ZXDC: variants seen among roughly 807,000 people sequenced by gnomAD.
The protein encoded by ZXDC is zinc finger protein ZXDC.
Under a neutral mutation model 63.6 loss-of-function variants are expected in ZXDC, and 58 were observed. That is an observed-to-expected ratio of 0.91 (90% CI 0.74 to 1.13). ZXDC has a LOEUF of 1.13. Ranked by LOEUF, ZXDC falls within the 50% of genes most tolerant of loss-of-function variation. ZXDC has a pLI of 0.00. For missense variants in ZXDC, 1,133 were observed against 1,148.9 expected (o/e 0.99, Z 0.20); for synonymous variants, 561 against 496.1 (o/e 1.13, Z -1.74).
Position 126,467,706 on chromosome 3 carries a change from G to T in ZXDC, c.1271-1381C>A, listed in dbSNP as rs577984619. On this transcript the variant is annotated intron_variant, in intron 4 of 9. Coordinates refer to ENST00000389709, the MANE Select transcript of ZXDC (RefSeq NM_025112.5). Reference sequence around the variant, plus strand: ...CAAAGGAGACAGTCCGACGGCCCAGGACTGCCCTGCAAGCGCGCAGTTTCC... The same window carrying T: ...CAAAGGAGACAGTCCGACGGCCCAGTACTGCCCTGCAAGCGCGCAGTTTCC... Among the ~76,000 whole-genome samples, 4 of 152,314 alleles carry T rather than the reference G, an allele frequency of 2.6e-5. No homozygotes were observed. The South Asian group carries it at 6.2e-4, about 24-fold the overall frequency.
Position 126,453,883 on chromosome 3 carries a change from T to A in ZXDC, c.2212+5770A>T, listed in dbSNP as rs921654895. 1.0e-5 allele frequency: 10 copies of A among 985,050 alleles called. No individual in the cohort carries two copies. In the African/African-American group the frequency reaches 1.6e-4, roughly 16 times the overall value. The allele number at this position is 985,050 out of a possible 1,614,324, so 61.0% of individuals were successfully genotyped here. A position where few individuals can be genotyped will look rare whatever the true frequency, so the allele number is the denominator to read the frequency against. Reference sequence around the variant, plus strand: ...CCCAGCCTCGCTTTTATTTCTTCTTTCACCTGATTGTCTAGAGGTTTTGTT... The same window carrying A: ...CCCAGCCTCGCTTTTATTTCTTCTTACACCTGATTGTCTAGAGGTTTTGTT... On this transcript the variant is annotated intron_variant, in intron 7 of 9. Transcript: ENST00000389709.
intron 7 of ZXDC, among the ~76,000 whole-genome samples, chr3:126,445,835 C>T (rs958094316): frequency 6.6e-6 from 1 of 152,104 alleles, no homozygotes; most frequent in Non-Finnish European, 1.5e-5. Flanking sequence ...CCTGACGGTA[C>T]ACCCTGAAGT....
At chr3:126,457,243 T>C (rs1486545061) in intron 7 of ZXDC, 3 of 981,540 alleles carry the variant, frequency 3.1e-6, no homozygotes, top group African/African-American at 1.7e-5. Flanking sequence ...AGCATGAGTA[T>C]GCAGGATGCT....
intron 7 of ZXDC, among the ~76,000 whole-genome samples, chr3:126,448,842 A>C (rs907518271): frequency 6.6e-6 from 1 of 152,228 alleles, no homozygotes; most frequent in African/African-American, 2.4e-5. Flanking sequence ...TCTCCCCCTA[A>C]TGTTCCCACT....
At chr3:126,473,671 G>A (rs942020467) in intron 1 of ZXDC, among the ~76,000 whole-genome samples, 1 of 152,338 alleles carries the variant, frequency 6.6e-6, no homozygotes, top group Non-Finnish European at 1.5e-5. Context: ...GCGCAAGACA[G>A]TCCACAGGCA....
chr3:126,453,196 T>C (rs1934176508), intron 7 of ZXDC: 1 of 985,460 alleles, frequency 1.0e-6, no homozygotes, highest in Non-Finnish European at 1.2e-6. Context: ...GTTGCAAGTA[T>C]TCTAACTTAT....
chr3:126,454,454 T>C, intron 7 of ZXDC: 1 of 985,460 alleles, frequency 1.0e-6, no homozygotes, highest in Non-Finnish European at 1.2e-6. Context: ...CTTTTCATAT[T>C]AACATTAGCC....
At chr3:126,448,717 C>T (rs1443296067) in intron 7 of ZXDC, among the ~76,000 whole-genome samples, 2 of 152,232 alleles carry the variant, frequency 1.3e-5, no homozygotes, top group Admixed American at 1.3e-4. Flanking sequence ...AGAACTACAG[C>T]AGGGGCCACC....
chr3:126,451,259 GCTT>G, intron 7 of ZXDC: 1 of 985,308 alleles, frequency 1.0e-6, no homozygotes, highest in Non-Finnish European at 1.2e-6. Context: ...GTGTACTACT[GCTT>G]GTTTCCAGGT....
chr3:126,469,884 G>A (rs1211265192), intron 4 of ZXDC, among the ~76,000 whole-genome samples: 1 of 152,228 alleles, frequency 6.6e-6, no homozygotes, highest in Non-Finnish European at 1.5e-5. Flanking sequence ...TGTTCATTAT[G>A]TTCTAAGAGC....
chr3:126,462,075 C>T lies in ZXDC; in HGVS notation c.1587G>A (p.Ser529=), dbSNP rs771423698. 16 of 1,613,972 alleles carry T rather than the reference C, an allele frequency of 9.9e-6. No individual in the cohort carries two copies. Among genetic ancestry groups the T allele is most frequent in the South Asian group, 8.8e-5 (8 of 91,086 alleles). The change falls in exon 6 of 10, where the codon TCG becomes TCA. Residue 529 remains serine, a synonymous_variant. Transcript: ENST00000389709. ...PANASGSAGG[S]DEALNSGILT... The stretch of plus-strand genomic sequence containing the variant: ...GGATTCCGGAGTTCAGAGCCTCATC[C>T]GACCCACCTGCAGAACCACTAGCAT...
intron 7 of ZXDC, chr3:126,459,307 G>A (rs1214185809): frequency 6.1e-6 from 6 of 985,326 alleles, no homozygotes; most frequent in Non-Finnish European, 7.2e-6. Flanking sequence ...GCCAAGATCA[G>A]GCCCCAAGGC....
At position 126,475,551 on chromosome 3, in the gene ZXDC, C is replaced by T. The variant is rs1390541959; in HGVS notation, c.315G>A (p.Ala105=). The T allele has an allele frequency of 2.9e-6, 4 of 1,384,372 alleles. No individual in the cohort carries two copies. Among genetic ancestry groups the T allele is most frequent in the Non-Finnish European group, 3.7e-6 (4 of 1,067,170 alleles). The allele number at this position is 1,384,372 out of a possible 1,614,324, so 85.8% of individuals were successfully genotyped here. A position where few individuals can be genotyped will look rare whatever the true frequency, so the allele number is the denominator to read the frequency against. The part of the protein sequence containing the change: ...EAEPGSRVNL[A]SRPEQGPSGP... ...CGCTGGGGCCCTGCTCGGGGCGGCT[C>T]GCCAGGTTGACACGGGAGCCAGGCT... is the stretch of plus-strand genomic sequence containing the variant. Residue 105 remains alanine (A), a synonymous_variant, in exon 1 of 10, where the codon GCG becomes GCA. Transcript: ENST00000389709.
At chr3:126,439,761 T>C (rs1174445377) in intron 8 of ZXDC, 34 bp from the exon 9 acceptor site, 2 of 1,541,674 alleles carry the variant, frequency 1.3e-6, no homozygotes, top group Non-Finnish European at 1.7e-6. Context: ...CTGTCACATG[T>C]CTGTGAGAGT....
intron 7 of ZXDC, chr3:126,457,261 G>A: frequency 2.0e-6 from 2 of 985,300 alleles, no homozygotes; most frequent in Non-Finnish European, 2.4e-6. Context: ...GCTGCTTTGA[G>A]GGGAGGCGGG....
intron 7 of ZXDC, chr3:126,450,339 C>T (rs1934049760): frequency 4.4e-6 from 2 of 456,588 alleles, no homozygotes; most frequent in South Asian, 1.5e-5. Context: ...AGACAGCTCC[C>T]ACTTCGGCAA....
At chr3:126,457,788 C>A in intron 7 of ZXDC, 1 of 460,290 alleles carries the variant, frequency 2.2e-6, no homozygotes, top group Non-Finnish European at 2.9e-6. Context: ...TATCTGGTCA[C>A]AATGGTTGCC....
chr3:126,439,210 A>G (rs1052354407), intron 9 of ZXDC, among the ~76,000 whole-genome samples: 2 of 152,266 alleles, frequency 1.3e-5, no homozygotes, highest in African/African-American at 4.8e-5. Context: ...AAACTGTTAG[A>G]AATGTGATAA....
chr3:126,452,013 A>C, intron 7 of ZXDC: 2 of 985,258 alleles, frequency 2.0e-6, no homozygotes, highest in Non-Finnish European at 2.4e-6. Context: ...TTCATTCTTT[A>C]TTCTGTATGG....
Sources: allele counts gnomAD v4.1 joint callset (sites outside exome capture counted in the v4.1 genomes callset), GRCh38; gene constraint gnomAD v4.1.1; transcripts MANE v1.5; gene names NCBI Gene and HGNC (gene_info 2026-07-23, HGNC 2026-07-21).